Variants in ZNF688 observed in about 807,000 individuals in gnomAD.
ZNF688 encodes zinc finger protein 688.
ZNF688 carries 10 observed loss-of-function variants against 13.2 expected under a neutral mutation model. The ratio of observed to expected loss-of-function variants is 0.76; its 90% CI spans 0.47 to 1.28. The LOEUF (loss-of-function observed/expected upper bound fraction) is 1.28. ZNF688 is among the 50% of genes most tolerant of loss of function. ZNF688 has a pLI of 0.00. For synonymous variants in ZNF688, 160 were observed against 159.4 expected (o/e 1.00, Z -0.03); for missense variants, 381 against 391.4 (o/e 0.97, Z 0.22).
chr16:30,570,607 C>A (rs2051659554), intron 2 of ZNF688, 171 bp from the exon 3 acceptor site: 3 of 774,292 alleles, frequency 3.9e-6, no homozygotes, highest in Admixed American at 3.2e-5. Flanking sequence ...TTATCTGAGC[C>A]TTGGTTCCTT....
rs537110154 is a variant in ZNF688 at position 30,570,275 on chromosome 16, C to A, written c.472G>T (p.Ala158Ser). 1 of 1,613,946 alleles carries A rather than the reference C, an allele frequency of 6.2e-7. No individual in the cohort carries two copies. Among genetic ancestry groups the A allele is most frequent in the Admixed American group, 1.7e-5 (1 of 60,002 alleles). ...TGTGCTCCTGTGGTCGGGTCCCAGG[C>A]AGCATTTTTGGGTGGCTGTGCCCGT... The part of the protein sequence containing the change: ...PARAQPPKNA[A>S]WDPTTGAQPP... Residue 158 changes from alanine (A) to serine (S), a missense_variant, in exon 3 of 3, where the codon GCC becomes TCC. Coordinates refer to ENST00000223459, the MANE Select transcript of ZNF688 (RefSeq NM_145271.4).
Position 30,571,112 on chromosome 16 carries a change from G to C in ZNF688, c.208C>G (p.Pro70Ala), listed in dbSNP as rs1281852068. ...GHLGALGFPG[P>A]KPALISWMEQ... ...ATCCAAGAGATGAGGGCTGGTTTGG[G>C]GCCTGGGAATCCTGGGAGAGAACAG... The change falls in exon 2 of 3, where the codon CCC (proline) becomes GCC (alanine). Residue 70 changes from proline to alanine, a missense_variant. Pro to Ala is a conservative substitution (Grantham distance 27). Transcript: ENST00000223459. 1 of 1,579,034 alleles carries C rather than the reference G, an allele frequency of 6.3e-7. No homozygotes were observed. The highest frequency in any genetic ancestry group is 1.9e-5 in the Admixed American group (1 of 51,422).
chr16:30,571,574 C>G lies in ZNF688; in HGVS notation c.56G>C (p.Gly19Ala), dbSNP rs12443727. ...GCTCACAGTCCCGGGCTTCCTGCAA[C>G]CAGGCCGGGTCTCCCCGGGCCTCGG... ...LAPRPGETRP[G>A]CRKPGTVSFA... is the part of the protein sequence containing the mutation. Residue 19 changes from glycine (G) to alanine (A), a missense_variant, in exon 1 of 3, where the codon GGT becomes GCT. Physicochemically the swap from Gly to Ala is moderately conservative, Grantham distance 60 (BLOSUM62 0). Coordinates refer to ENST00000223459, the MANE Select transcript of ZNF688 (RefSeq NM_145271.4). 2 of 1,564,850 alleles carry G rather than the reference C, an allele frequency of 1.3e-6. No homozygotes were observed. The highest frequency in any genetic ancestry group is 8.6e-7 in the Non-Finnish European group (1 of 1,156,286).
upstream of ZNF688, among the ~76,000 whole-genome samples, chr16:30,573,339 A>T (rs933061967): frequency 9.2e-5 from 14 of 151,992 alleles, no homozygotes; most frequent in Non-Finnish European, 2.1e-4. Flanking sequence ...GTTGGGCCTC[A>T]GTTCTTCTCA....
At chr16:30,577,038 T>C (rs1241480931), upstream of ZNF688, among the ~76,000 whole-genome samples, 4 of 152,096 alleles carry the variant, frequency 2.6e-5, no homozygotes, top group Non-Finnish European at 5.9e-5. Context: ...AGTGCTAGGA[T>C]TACAGGTGTG....
At chr16:30,571,889 C>T (rs1295560941), upstream of ZNF688, 4 of 1,278,958 alleles carry the variant, frequency 3.1e-6, no homozygotes, top group Non-Finnish European at 3.9e-6. Flanking sequence ...CGGAAGGTGC[C>T]TTCTGAAAAT....
upstream of ZNF688, chr16:30,571,849 C>T (rs1198022277): frequency 7.8e-7 from 1 of 1,287,794 alleles, no homozygotes; most frequent in Non-Finnish European, 9.8e-7. Context: ...TTCATGGCCG[C>T]TTGGACATAG....
chr16:30,579,170 C>T, the ZNF688 span: 1 of 152,468 alleles, frequency 6.6e-6, no homozygotes, highest in Non-Finnish European at 1.5e-5. Flanking sequence ...CTGCAACTTA[C>T]TTTGAAATAC....
At chr16:30,571,278 C>T in intron 1 of ZNF688, 155 bp from the exon 2 acceptor site, 2 of 1,538,046 alleles carry the variant, frequency 1.3e-6, no homozygotes, top group Non-Finnish European at 1.7e-6. Context: ...GGTGAAAACA[C>T]TCCCGAGGGG....
upstream of ZNF688, among the ~76,000 whole-genome samples, chr16:30,576,588 G>T (rs1368327654): frequency 6.6e-6 from 1 of 151,454 alleles, no homozygotes; most frequent in African/African-American, 2.4e-5. Flanking sequence ...CCTGACCTCA[G>T]GTGATCCGCC....
upstream of ZNF688, among the ~76,000 whole-genome samples, chr16:30,576,914 G>T (rs2051752808): frequency 6.6e-6 from 1 of 151,650 alleles, no homozygotes; most frequent in Non-Finnish European, 1.5e-5. Flanking sequence ...AACTAGAAGT[G>T]TGCAACACCA....
At chr16:30,577,071 T>C (rs965976522), upstream of ZNF688, among the ~76,000 whole-genome samples, 5 of 151,772 alleles carry the variant, frequency 3.3e-5, no homozygotes, top group African/African-American at 1.2e-4. Context: ...CAGCCTATTA[T>C]TGTCATTTTG....
chr16:30,573,780 C>A, upstream of ZNF688: 2 of 261,468 alleles, frequency 7.6e-6, no homozygotes, highest in Admixed American at 5.0e-5. Context: ...ATCTCATATG[C>A]ATATGTTATT....
chr16:30,571,034 C>T lies in ZNF688; in HGVS notation c.286G>A (p.Glu96Lys). The T allele has an allele frequency of 6.2e-7, 1 of 1,613,424 alleles. No homozygotes were observed. Among genetic ancestry groups the T allele is most frequent in the Admixed American group, 1.7e-5 (1 of 59,784 alleles). ...CCTCTCCGAGCTCCTCCCAGTCTTT[C>T]CCCCTTCTCAGGATCCTGGGCGGCG... ...SPAAQDPEKG[E>K]RLGGARRGDV... The change falls in exon 2 of 3, where the codon GAA becomes AAA. Residue 96 changes from glutamate (E) to lysine (K), a missense_variant. Physicochemically the swap from Glu to Lys is moderately conservative, Grantham distance 56. Transcript: ENST00000223459.
upstream of ZNF688, among the ~76,000 whole-genome samples, chr16:30,577,673 A>G (rs1270014158): frequency 1.4e-5 from 2 of 143,156 alleles, no homozygotes; most frequent in Non-Finnish European, 3.0e-5. Context: ...TGCACACTGT[A>G]CCCGGCCTGT....
At chr16:30,577,714 A>C (rs1597144515), upstream of ZNF688, among the ~76,000 whole-genome samples, 5 of 129,552 alleles carry the variant, frequency 3.9e-5, no homozygotes, top group Admixed American at 8.1e-5. Flanking sequence ...ACAGAGTCTC[A>C]CTCTGTGGCC....
chr16:30,570,599 A>T, intron 2 of ZNF688, 163 bp from the exon 3 acceptor site: 1 of 850,102 alleles, frequency 1.2e-6, no homozygotes, highest in Non-Finnish European at 1.8e-6. Flanking sequence ...AAAGTGCCTT[A>T]TCTGAGCCTT....
Position 30,570,028 on chromosome 16 carries a change from C to T in ZNF688, c.719G>A (p.Arg240Gln). 1 of 1,610,950 alleles carries T rather than the reference C, an allele frequency of 6.2e-7. No homozygotes were observed. Reference protein sequence around the residue: ...QWIHRSCSGGRRGRRPGIRAV... With the variant: ...QWIHRSCSGGQRGRRPGIRAV... ...CCGGATCCCAGGCCTCCGGCCCCGC[C>T]GCCCCCCGGAGCAGGAGCGGTGGAT... Residue 240 changes from arginine (R) to glutamine (Q), a missense_variant, in exon 3 of 3, where the codon CGG (arginine) becomes CAG (glutamine). Arg to Gln is a conservative substitution (Grantham distance 43). Coordinates refer to ENST00000223459, the MANE Select transcript of ZNF688 (RefSeq NM_145271.4).
chr16:30,571,104 T>G lies in ZNF688; in HGVS notation c.216A>C (p.Pro72=), dbSNP rs779296537. 2.2e-5 allele frequency: 35 copies of G among 1,582,648 alleles called. No homozygotes were observed. Among genetic ancestry groups the G allele is most frequent in the Non-Finnish European group, 2.9e-5 (34 of 1,164,834 alleles). The change falls in exon 2 of 3, where the codon CCA becomes CCC. Residue 72 remains proline (P), a synonymous_variant. Coordinates refer to ENST00000223459, the MANE Select transcript of ZNF688 (RefSeq NM_145271.4). ...LGALGFPGPK[P]ALISWMEQES... is the part of the protein sequence containing the mutation. The stretch of plus-strand genomic sequence containing the variant: ...CCTGTTCCATCCAAGAGATGAGGGC[T>G]GGTTTGGGGCCTGGGAATCCTGGGA...
Sources: allele counts gnomAD v4.1 joint callset (sites outside exome capture counted in the v4.1 genomes callset), GRCh38; gene constraint gnomAD v4.1.1; transcripts MANE v1.5; gene names NCBI Gene and HGNC (gene_info 2026-07-23, HGNC 2026-07-21).